MIB1: variants seen among roughly 807,000 people sequenced by gnomAD.
MIB1 encodes the protein MIB E3 ubiquitin protein ligase 1, also known as E3 ubiquitin-protein ligase MIB1.
MIB1 carries 278 observed loss-of-function variants against 124.5 expected under a neutral mutation model. The ratio of observed to expected loss-of-function variants is 2.23; its 90% confidence interval spans 2.02 to 2.47. MIB1 has a LOEUF of 2.47. Among genes scored for constraint, MIB1 ranks in the 30% most tolerant of loss-of-function variants. The probability of loss-of-function intolerance (pLI) is 0.00; values close to 1 mark genes in which losing one functional copy is unlikely to be tolerated. For missense variants in MIB1, 957 were observed against 1,254.4 expected (o/e 0.76, Z 3.58); for synonymous variants, 446 against 429.4 (o/e 1.04, Z -0.48).
intron 17 of MIB1, among the ~76,000 whole-genome samples, chr18:21,852,716 C>G (rs2146514695): frequency 6.6e-6 from 1 of 152,256 alleles, no homozygotes; most frequent in Non-Finnish European, 1.5e-5. Flanking sequence ...TGGATTTTAG[C>G]AATTTGGCTA....
intron 16 of MIB1, among the ~76,000 whole-genome samples, chr18:21,848,887 A>G (rs2042157756): frequency 6.6e-6 from 1 of 151,846 alleles, no homozygotes; most frequent in Admixed American, 6.6e-5. Context: ...ACAGGTTCTG[A>G]GCAAAATTTT....
chr18:21,710,125 CTT>C (rs879714963), intron 1 of MIB1, among the ~76,000 whole-genome samples: 9 of 145,074 alleles, frequency 6.2e-5, no homozygotes, highest in Non-Finnish European at 7.6e-5. Flanking sequence ...ATGAAATTCT[CTT>C]TTTTTTTTTT....
intron 1 of MIB1, among the ~76,000 whole-genome samples, chr18:21,730,950 CT>C (rs2040766588): frequency 6.6e-6 from 1 of 152,210 alleles, no homozygotes; most frequent in African/African-American, 2.4e-5. Flanking sequence ...CTTTCCCCCT[CT>C]TTTGCCAATG....
chr18:21,844,153 A>C lies in MIB1; in HGVS notation c.2111A>C (p.His704Pro). The change falls in exon 15 of 21, where the codon CAT becomes CCT. Residue 704 changes from histidine to proline, a missense_variant. Coordinates refer to ENST00000261537, the MANE Select transcript of MIB1 (RefSeq NM_020774.4). ...IQDKDGDTPL[H>P]EALRHHTLSQ... ...GATAAGGATGGGGATACTCCTTTGC[A>C]TGAAGCTCTAAGGCATCACACTTTG... 6.2e-7 allele frequency: 1 copy of C among 1,614,098 alleles called. No homozygotes were observed. Among genetic ancestry groups the C allele is most frequent in the Non-Finnish European group, 8.5e-7 (1 of 1,179,992 alleles).
intron 18 of MIB1, among the ~76,000 whole-genome samples, chr18:21,853,776 C>T (rs971757701): frequency 1.3e-5 from 2 of 152,082 alleles, no homozygotes; most frequent in Non-Finnish European, 2.9e-5. Context: ...AAGTCCTTTG[C>T]TTTTCATATT....
chr18:21,768,725 A>T lies in MIB1; in HGVS notation c.504A>T (p.Gln168His). The change falls in exon 3 of 21, where the codon CAA becomes CAT. Residue 168 changes from glutamine to histidine, a missense_variant. By Grantham distance (24) the Gln-to-His change is conservative. Transcript: ENST00000261537. ...GAGTGGACTGGCAGTGGGAAGATCA[A>T]GATGGAGGAAATGGACGTAGGGGAA... ...VRGVDWQWED[Q>H]DGGNGRRGKV... The T allele has an allele frequency of 6.2e-7, 1 of 1,611,224 alleles. No individual in the cohort carries two copies. Among genetic ancestry groups the T allele is most frequent in the South Asian group, 1.1e-5 (1 of 90,514 alleles).
chr18:21,790,757 A>G (rs1306021294), intron 6 of MIB1, among the ~76,000 whole-genome samples: 1 of 152,170 alleles, frequency 6.6e-6, no homozygotes, highest in African/African-American at 2.4e-5. Flanking sequence ...TGTTTCTGAA[A>G]TGTTTGAATT....
intron 1 of MIB1, among the ~76,000 whole-genome samples, chr18:21,758,469 T>G (rs1173054344): frequency 1.3e-5 from 2 of 152,228 alleles, no homozygotes; most frequent in Non-Finnish European, 2.9e-5. Flanking sequence ...TAGAATTTCT[T>G]GGTTTGTTGA....
At chr18:21,767,467 A>G (rs1285955218) in intron 2 of MIB1, among the ~76,000 whole-genome samples, 1 of 152,164 alleles carries the variant, frequency 6.6e-6, no homozygotes, top group East Asian at 1.9e-4. Flanking sequence ...AATTATGGAA[A>G]CTACAGTTCA....
chr18:21,772,169 T>A (rs1319846330), intron 3 of MIB1, among the ~76,000 whole-genome samples: 2 of 152,180 alleles, frequency 1.3e-5, no homozygotes. Flanking sequence ...CAAAACTATT[T>A]AGTACAGGAT....
At chr18:21,792,442 A>G (rs2041516939) in intron 7 of MIB1, among the ~76,000 whole-genome samples, 1 of 150,992 alleles carries the variant, frequency 6.6e-6, no homozygotes, top group African/African-American at 2.4e-5. Flanking sequence ...GCCCCATCTC[A>G]TCCCCTCCCA....
intron 17 of MIB1, among the ~76,000 whole-genome samples, chr18:21,851,651 T>C (rs1313267040): frequency 6.6e-6 from 1 of 152,160 alleles, no homozygotes; most frequent in African/African-American, 2.4e-5. Context: ...ATTAATTGAA[T>C]TAACATGAAC....
chr18:21,716,124 G>T (rs995523320), intron 1 of MIB1, among the ~76,000 whole-genome samples: 40 of 152,172 alleles, frequency 2.6e-4, no homozygotes, highest in Non-Finnish European at 4.3e-4. Flanking sequence ...AAAGCACCAG[G>T]TAACCCATAA....
At chr18:21,834,345 A>G (rs1267214138) in intron 12 of MIB1, among the ~76,000 whole-genome samples, 2 of 152,056 alleles carry the variant, frequency 1.3e-5, no homozygotes, top group Admixed American at 1.3e-4. Context: ...GATTAAGATG[A>G]GAGGGCTGTA....
intron 6 of MIB1, among the ~76,000 whole-genome samples, chr18:21,789,710 GGGAGACT>G (rs2041480358): frequency 6.6e-6 from 1 of 152,074 alleles, no homozygotes; most frequent in Non-Finnish European, 1.5e-5. Flanking sequence ...CCAGCTACTT[GGGAGACT>G]GAGGCAGGAG....
chr18:21,858,660 C>T lies in MIB1; in HGVS notation c.2880+14C>T. On this transcript the variant is annotated intron_variant, in intron 20 of 20. Transcript: ENST00000261537. ...ATTAAAGAGCAGGTAATAATGATTT[C>T]ATGTAAACAGTGATGCTGTGAATGG... 7.5e-7 allele frequency: 1 copy of T among 1,325,452 alleles called. No individual in the cohort carries two copies. Among genetic ancestry groups the T allele is most frequent in the Non-Finnish European group, 1.1e-6 (1 of 920,216 alleles). The allele number at this position is 1,325,452 out of a possible 1,614,324, so 82.1% of individuals were successfully genotyped here.
In MIB1 at chr18:21,778,115, T is replaced by C. The variant is rs775260348; in HGVS notation, c.649T>C (p.Cys217Arg). Residue 217 changes from cysteine (C) to arginine (R), a missense_variant, in exon 5 of 21, where the codon TGT (cysteine) becomes CGT (arginine). Coordinates refer to ENST00000261537, the MANE Select transcript of MIB1 (RefSeq NM_020774.4). Reference protein sequence around the residue: ...VGFEGMSDLKCVQDAKGGSFY... With the variant: ...VGFEGMSDLKRVQDAKGGSFY... ...CTTTTCTTCTTAGTCTGATCTGAAA[T>C]GTGTCCAGGATGCCAAGGGAGGTTC... 4 of 1,612,242 alleles carry C rather than the reference T, an allele frequency of 2.5e-6. No homozygotes were observed. The highest frequency in any genetic ancestry group is 2.7e-5 in the African/African-American group (2 of 74,872).
chr18:21,864,600 T>C lies in MIB1; in HGVS notation c.2955T>C (p.Cys985=), dbSNP rs373596716. Residue 985 remains cysteine, a synonymous_variant, in exon 21 of 21, where the codon TGT becomes TGC. Transcript: ENST00000261537. ...GTGGTCACGGAACCTGTCAACTCTG[T>C]GGAGACCGCATGAGTGAATGTCCTA... The part of the protein sequence containing the change: ...FLCGHGTCQL[C]GDRMSECPIC... 82 of 1,613,534 alleles carry C rather than the reference T, an allele frequency of 5.1e-5. No individual in the cohort carries two copies. Among genetic ancestry groups the C allele is most frequent in the Non-Finnish European group, 6.2e-5 (73 of 1,179,558 alleles).
intron 3 of MIB1, among the ~76,000 whole-genome samples, chr18:21,769,110 C>A (rs1360991278): frequency 6.6e-6 from 1 of 152,164 alleles, no homozygotes; most frequent in East Asian, 1.9e-4. Context: ...GTTTTATATT[C>A]TCTTCCCTCA....
Sources: allele counts gnomAD v4.1 joint callset (sites outside exome capture counted in the v4.1 genomes callset), GRCh38; gene constraint gnomAD v4.1.1; transcripts MANE v1.5; gene names NCBI Gene and HGNC (gene_info 2026-07-23, HGNC 2026-07-21).